The following HTR1F variants were observed in gnomAD, a reference collection of about 807,000 sequenced individuals.
HTR1F encodes 5-hydroxytryptamine (serotonin) receptor 1F, G protein-coupled.
HTR1F carries 17 observed loss-of-function variants against 24.0 expected under a neutral mutation model. The ratio of observed to expected loss-of-function variants is 0.71; its 90% CI spans 0.48 to 1.06. The LOEUF is 1.06. Among genes scored for constraint, HTR1F ranks in the 50% least tolerant of loss-of-function variants. The probability of loss-of-function intolerance (pLI) is 0.00; values close to 1 mark genes in which losing one functional copy is unlikely to be tolerated. For missense variants in HTR1F, 391 were observed against 427.8 expected, an observed-to-expected ratio of 0.91 and a Z score of 0.76; for synonymous variants, 186 against 156.8, an observed-to-expected ratio of 1.19 and a Z score of -1.39.
At chr3:87,970,435 G>A (rs1705261192) in intron 2 of HTR1F, among the ~76,000 whole-genome samples, 1 of 152,264 alleles carries the variant, frequency 6.6e-6, no homozygotes, top group East Asian at 1.9e-4. Context: ...TTTGAAAATT[G>A]CTGAGGTAGA....
chr3:87,810,328 A>G (rs867090794), intron 1 of HTR1F, among the ~76,000 whole-genome samples: 3 of 152,236 alleles, frequency 2.0e-5, no homozygotes, highest in African/African-American at 7.2e-5. Context: ...TGTTCATTCC[A>G]TTTGATGTTG....
intron 1 of HTR1F, among the ~76,000 whole-genome samples, chr3:87,811,222 T>A (rs1047341376): frequency 1.3e-5 from 2 of 151,986 alleles, no homozygotes; most frequent in Non-Finnish European, 2.9e-5. Flanking sequence ...TGATTTACCA[T>A]AGATCTGCCT....
At chr3:87,927,700 T>A (rs1015543080) in intron 2 of HTR1F, among the ~76,000 whole-genome samples, 1 of 152,172 alleles carries the variant, frequency 6.6e-6, no homozygotes, top group Non-Finnish European at 1.5e-5. Flanking sequence ...CAATCAAATA[T>A]CTCAACTAAA....
At chr3:87,879,559 A>G (rs972852008) in intron 2 of HTR1F, among the ~76,000 whole-genome samples, 1 of 152,194 alleles carries the variant, frequency 6.6e-6, no homozygotes, top group African/African-American at 2.4e-5. Flanking sequence ...ATTTTTAATT[A>G]TATTTAACTG....
rs144826323 is a variant in HTR1F at position 87,984,241 on chromosome 3, C to A, written c.-42-6467C>A. Among the ~76,000 whole-genome samples, 95 of 152,306 alleles carry A rather than the reference C, an allele frequency of 6.2e-4. 1 individual carries two copies. The highest frequency in any genetic ancestry group is 2.1e-3 in the African/African-American group (87 of 41,568). ...AACCATGCTATGATTAATTAATTAT[C>A]CCTCACCAGTATTTCCAGGAAACTT... On this transcript the variant is annotated intron_variant, in intron 2 of 2. Transcript: ENST00000319595.
At chr3:87,971,260 T>C (rs913248326) in intron 2 of HTR1F, among the ~76,000 whole-genome samples, 3 of 152,310 alleles carry the variant, frequency 2.0e-5, no homozygotes, top group Middle Eastern at 3.4e-3. Flanking sequence ...CGTTTCAGTC[T>C]TTTATTTTTT....
At chr3:87,956,211 T>C (rs1280070297) in intron 2 of HTR1F, among the ~76,000 whole-genome samples, 1 of 151,450 alleles carries the variant, frequency 6.6e-6, no homozygotes, top group Non-Finnish European at 1.5e-5. Context: ...AGTTAATTTT[T>C]GTGTATCTGT....
At chr3:87,948,844 T>C (rs1382625605) in intron 2 of HTR1F, among the ~76,000 whole-genome samples, 2 of 152,204 alleles carry the variant, frequency 1.3e-5, no homozygotes, top group Non-Finnish European at 2.9e-5. Context: ...TAATTTTTAA[T>C]GTTATGCCAT....
At chr3:87,860,809 A>T (rs1156723411) in intron 2 of HTR1F, among the ~76,000 whole-genome samples, 1 of 152,208 alleles carries the variant, frequency 6.6e-6, no homozygotes. Flanking sequence ...TGAGAAGTCA[A>T]ATAAATAACT....
intron 1 of HTR1F, among the ~76,000 whole-genome samples, chr3:87,813,539 G>A (rs902276656): frequency 5.3e-5 from 8 of 152,176 alleles, no homozygotes; most frequent in African/African-American, 1.9e-4. Flanking sequence ...TAAGACTTTG[G>A]GGGACCGTTG....
intron 2 of HTR1F, among the ~76,000 whole-genome samples, chr3:87,947,638 A>G (rs1243556939): frequency 6.6e-6 from 1 of 152,196 alleles, no homozygotes; most frequent in Non-Finnish European, 1.5e-5. Flanking sequence ...GGCCAGCAAT[A>G]GCCACTTCCT....
intron 2 of HTR1F, among the ~76,000 whole-genome samples, chr3:87,863,670 G>A (rs754739023): frequency 6.6e-5 from 10 of 152,066 alleles, no homozygotes; most frequent in Non-Finnish European, 1.3e-4. Context: ...TTTCTATAAT[G>A]CTCCTTAAAA....
At chr3:87,976,698 T>A (rs1705402591) in intron 2 of HTR1F, among the ~76,000 whole-genome samples, 1 of 152,206 alleles carries the variant, frequency 6.6e-6, no homozygotes, top group Admixed American at 6.5e-5. Flanking sequence ...CAACCCAATA[T>A]TTTTCCCTAG....
chr3:87,883,226 C>A (rs183623674), intron 2 of HTR1F, among the ~76,000 whole-genome samples: 1 of 152,212 alleles, frequency 6.6e-6, no homozygotes, highest in East Asian at 1.9e-4. Context: ...TGCAGCTGAG[C>A]GACCTGACTG....
At chr3:87,798,464 T>C (rs973670435) in intron 1 of HTR1F, among the ~76,000 whole-genome samples, 5 of 152,088 alleles carry the variant, frequency 3.3e-5, no homozygotes, top group Admixed American at 3.3e-4. Context: ...TATTTAAAGG[T>C]ATTAAGATTA....
intron 2 of HTR1F, among the ~76,000 whole-genome samples, chr3:87,928,795 G>T (rs1352887091): frequency 6.6e-6 from 1 of 152,104 alleles, no homozygotes; most frequent in Non-Finnish European, 1.5e-5. Flanking sequence ...AGAAGAAAAG[G>T]AAAACACTAA....
In HTR1F at chr3:87,927,840, T is replaced by A. The variant is rs553349152; in HGVS notation, c.-42-62868T>A. Among the ~76,000 whole-genome samples the A allele has an allele frequency of 1.6e-4, 25 of 152,280 alleles. No homozygotes were observed. The East Asian group carries it at 4.4e-3, about 27-fold the overall frequency. ...CATTCTTCTCACAGGGAACAGTACATAAATATTAATACTAGTTAAATAATT... is the reference window on the plus strand; with the variant it reads ...CATTCTTCTCACAGGGAACAGTACAAAAATATTAATACTAGTTAAATAATT... On this transcript the variant is annotated intron_variant, in intron 2 of 2. Transcript: ENST00000319595.
chr3:87,901,685 C>T (rs1188518003), intron 2 of HTR1F, among the ~76,000 whole-genome samples: 1 of 151,750 alleles, frequency 6.6e-6, no homozygotes, highest in Non-Finnish European at 1.5e-5. Flanking sequence ...TTAATATTAA[C>T]AATTTACATA....
chr3:87,917,533 T>C (rs550029376), intron 2 of HTR1F, among the ~76,000 whole-genome samples: 97 of 151,970 alleles, frequency 6.4e-4, no homozygotes, highest in Non-Finnish European at 1.1e-3. Context: ...CAGGAGATAT[T>C]ACAACTGACA....
Sources: gnomAD v4.1 joint callset for allele counts (sites outside exome capture counted in the v4.1 genomes callset) on GRCh38, gnomAD v4.1.1 for gene constraint, MANE v1.5 for transcripts, NCBI Gene and HGNC (gene_info 2026-07-23, HGNC 2026-07-21) for gene names.